The following CTTNBP2 variants were observed in gnomAD, a reference collection of about 807,000 sequenced individuals.
The protein encoded by CTTNBP2 is cortactin binding protein 2, also known as cortactin-binding protein 2.
Under a neutral mutation model 156.9 loss-of-function variants are expected in CTTNBP2, and 108 were observed. The ratio of observed to expected loss-of-function variants is 0.69; its 90% CI spans 0.59 to 0.81. The LOEUF (loss-of-function observed/expected upper bound fraction) is 0.81, where lower values mean the gene tolerates loss of function less well. Ranked by LOEUF, CTTNBP2 falls within the 30% of genes least tolerant of loss-of-function variation. The pLI, the probability that CTTNBP2 is intolerant of heterozygous loss-of-function variation, is 0.00. For synonymous variants in CTTNBP2, 767 were observed against 751.8 expected (o/e 1.02, Z -0.33); for missense variants, 1,924 against 2,035.4 (o/e 0.95, Z 1.05).
At chr7:117,778,995 G>A (rs1798258243) in intron 7 of CTTNBP2, among the ~76,000 whole-genome samples, 1 of 152,270 alleles carries the variant, frequency 6.6e-6, no homozygotes, top group East Asian at 1.9e-4. Context: ...TAAGTCATCT[G>A]ACCATTTGCT....
intron 2 of CTTNBP2, among the ~76,000 whole-genome samples, chr7:117,817,348 A>AT (rs1563037466): frequency 1.7e-4 from 12 of 69,340 alleles, no homozygotes; most frequent in East Asian, 1.0e-3. Flanking sequence ...AAAAAAAAAA[A>AT]AAAAAAAAAA....
intron 2 of CTTNBP2, among the ~76,000 whole-genome samples, chr7:117,846,581 A>G (rs1468026460): frequency 1.3e-5 from 2 of 152,146 alleles, no homozygotes; most frequent in African/African-American, 4.8e-5. Context: ...AGAAAAAAAA[A>G]GAAATATACT....
intron 8 of CTTNBP2, among the ~76,000 whole-genome samples, chr7:117,767,565 C>G (rs948193761): frequency 2.6e-4 from 40 of 152,302 alleles, no homozygotes; most frequent in African/African-American, 9.1e-4. Flanking sequence ...ACGGGATGTA[C>G]TTTGCTGTCT....
chr7:117,820,848 T>A (rs1215067428), intron 2 of CTTNBP2, among the ~76,000 whole-genome samples: 1 of 152,214 alleles, frequency 6.6e-6, no homozygotes, highest in Non-Finnish European at 1.5e-5. Context: ...AATTTTAGAA[T>A]CAGTTTGTAA....
chr7:117,819,274 C>T (rs1286147620), intron 2 of CTTNBP2, among the ~76,000 whole-genome samples: 1 of 151,906 alleles, frequency 6.6e-6, no homozygotes, highest in Non-Finnish European at 1.5e-5. Context: ...AGCCATGGTC[C>T]TCAGAACTCA....
In CTTNBP2 at chr7:117,791,882, A is replaced by G. The variant is rs1208878584; in HGVS notation, c.1314T>C (p.His438=). ...CTTGGATTCGTGGGTTTAGACCTGG[A>G]TGCAAAGAGGTGTTGGCACATGGTG... ...LHSPCANTSL[H]PGLNPRIQAA... Residue 438 remains histidine, a synonymous_variant, in exon 4 of 23, where the codon CAT becomes CAC. Coordinates refer to ENST00000160373, the MANE Select transcript of CTTNBP2 (RefSeq NM_033427.3). 1 of 1,614,002 alleles carries G rather than the reference A, an allele frequency of 6.2e-7. No homozygotes were observed. The highest frequency in any genetic ancestry group is 2.2e-5 in the East Asian group (1 of 44,878).
At chr7:117,730,990 TG>T (rs145337297) in intron 16 of CTTNBP2, among the ~76,000 whole-genome samples, 293 of 152,314 alleles carry the variant, frequency 1.9e-3, no homozygotes, top group African/African-American at 6.9e-3. Context: ...CAGTTTAAAA[TG>T]GTAACTGAGT....
At chr7:117,719,353 A>T (rs1794647633) in intron 21 of CTTNBP2, 151 bp downstream of exon 21, 1 of 666,746 alleles carries the variant, frequency 1.5e-6, no homozygotes, top group Non-Finnish European at 2.4e-6. Flanking sequence ...ATTTAGGAAG[A>T]AACGGCCTTT....
rs372380780 is a variant in CTTNBP2 at position 117,833,739 on chromosome 7, A to G, written c.190-22750T>C. ...CTGGGCTGAGAGCTACAAGAAAGAG[A>G]CCAAGCCATACTCATGTTTATTGTG... On this transcript the variant is annotated intron_variant, in intron 2 of 22. Transcript: ENST00000160373. 7.8e-4 allele frequency among the ~76,000 whole-genome samples: 119 copies of G among 152,302 alleles called. 1 individual carries two copies. The highest frequency in any genetic ancestry group is 2.7e-3 in the African/African-American group (112 of 41,576).
At chr7:117,745,957 T>A (rs746956556) in intron 13 of CTTNBP2, 27 bp from the exon 14 acceptor site, 1 of 1,611,534 alleles carries the variant, frequency 6.2e-7, no homozygotes, top group Admixed American at 1.7e-5. Context: ...GGGTGATTAG[T>A]TCTACGCACT....
chr7:117,760,339 G>T, intron 10 of CTTNBP2, 96 bp downstream of exon 10: 1 of 1,225,910 alleles, frequency 8.2e-7, no homozygotes, highest in Non-Finnish European at 1.2e-6. Context: ...AGCTTTGAAT[G>T]TGCTTAATCA....
chr7:117,803,655 T>G (rs1304383638), intron 3 of CTTNBP2, among the ~76,000 whole-genome samples: 1 of 152,158 alleles, frequency 6.6e-6, no homozygotes, highest in Non-Finnish European at 1.5e-5. Flanking sequence ...AAGGTATGTC[T>G]GGAACCCATC....
intron 4 of CTTNBP2, 142 bp from the exon 5 acceptor site, chr7:117,784,596 G>A: frequency 1.9e-6 from 1 of 539,584 alleles, no homozygotes; most frequent in Non-Finnish European, 3.1e-6. Flanking sequence ...TTATCAATCT[G>A]TTAATATTTA....
At position 117,870,433 on chromosome 7, in the gene CTTNBP2, T is replaced by C. The variant is rs570312416; in HGVS notation, c.81+2902A>G. Among the ~76,000 whole-genome samples, 7 of 152,370 alleles carry C rather than the reference T, an allele frequency of 4.6e-5. No homozygotes were observed. The East Asian group carries it at 1.3e-3, about 29-fold the overall frequency. On this transcript the variant is annotated intron_variant, in intron 1 of 22. Transcript: ENST00000160373. ...AATACTGTCACCTGGAAAACAAAAA[T>C]TTCAAGTTCAGCTGTTAATTTGTTT... is the stretch of plus-strand genomic sequence containing the variant.
At chr7:117,784,112 T>C in intron 5 of CTTNBP2, 139 bp downstream of exon 5, 2 of 577,558 alleles carry the variant, frequency 3.5e-6, no homozygotes, top group Non-Finnish European at 2.9e-6. Context: ...TTAAATCTCA[T>C]GTTTAAAAAA....
At chr7:117,738,159 A>C (rs1795810304) in intron 14 of CTTNBP2, among the ~76,000 whole-genome samples, 2 of 152,202 alleles carry the variant, frequency 1.3e-5, no homozygotes, top group South Asian at 4.1e-4. Flanking sequence ...AGTGATTCTC[A>C]GCGCTTCTGA....
At chr7:117,755,947 G>T (rs1796858425) in intron 12 of CTTNBP2, among the ~76,000 whole-genome samples, 1 of 152,142 alleles carries the variant, frequency 6.6e-6, no homozygotes, top group South Asian at 2.1e-4. Flanking sequence ...AGTGAGAGTG[G>T]GAGTGGTGAC....
intron 2 of CTTNBP2, among the ~76,000 whole-genome samples, chr7:117,860,208 A>C (rs1450150479): frequency 1.3e-5 from 2 of 152,226 alleles, no homozygotes; most frequent in Non-Finnish European, 2.9e-5. Flanking sequence ...TTACAGACAA[A>C]GTATTAAATA....
At chr7:117,812,192 G>A (rs1190531115) in intron 2 of CTTNBP2, among the ~76,000 whole-genome samples, 1 of 151,818 alleles carries the variant, frequency 6.6e-6, no homozygotes, top group Non-Finnish European at 1.5e-5. Flanking sequence ...AGCCTACAAA[G>A]TCATTGCATA....
Sources: allele counts gnomAD v4.1 joint callset (sites outside exome capture counted in the v4.1 genomes callset), GRCh38; gene constraint gnomAD v4.1.1; transcripts MANE v1.5; gene names NCBI Gene and HGNC (gene_info 2026-07-23, HGNC 2026-07-21).